PDGFD: variants seen among roughly 807,000 people sequenced by gnomAD.
PDGFD encodes platelet derived growth factor D.
PDGFD carries 30 observed loss-of-function variants against 44.7 expected under a neutral mutation model. That is an observed-to-expected ratio of 0.67 (90% CI 0.50 to 0.91). The LOEUF (loss-of-function observed/expected upper bound fraction) is 0.91, where lower values mean the gene tolerates loss of function less well. PDGFD is among the 40% of genes least tolerant of loss of function. PDGFD has a pLI of 0.00. For synonymous variants in PDGFD, 173 were observed against 168.4 expected (o/e 1.03, Z -0.21); for missense variants, 445 against 457.8 (o/e 0.97, Z 0.25).
At chr11:104,084,163 G>C (rs1464859462) in intron 1 of PDGFD, among the ~76,000 whole-genome samples, 1 of 152,198 alleles carries the variant, frequency 6.6e-6, no homozygotes, top group African/African-American at 2.4e-5. Context: ...TGAATGGACA[G>C]AGAAGATGCC....
chr11:104,099,273 A>C (rs1861333456), intron 1 of PDGFD, among the ~76,000 whole-genome samples: 1 of 152,192 alleles, frequency 6.6e-6, no homozygotes, highest in Non-Finnish European at 1.5e-5. Context: ...AAAAGTTTCA[A>C]AGTTTAGATA....
At chr11:103,933,731 C>G (rs1040729669) in intron 5 of PDGFD, among the ~76,000 whole-genome samples, 2 of 152,182 alleles carry the variant, frequency 1.3e-5, no homozygotes, top group African/African-American at 2.4e-5. Context: ...AAACCCTCAT[C>G]TTAGATATTA....
intron 1 of PDGFD, among the ~76,000 whole-genome samples, chr11:104,050,655 TG>T (rs1253319503): frequency 6.6e-6 from 1 of 152,126 alleles, no homozygotes; most frequent in South Asian, 2.1e-4. Context: ...CAGAAATGTG[TG>T]GGGCACTTTG....
intron 6 of PDGFD, among the ~76,000 whole-genome samples, chr11:103,913,563 T>C (rs1005133496): frequency 2.0e-5 from 3 of 152,126 alleles, no homozygotes; most frequent in African/African-American, 7.2e-5. Flanking sequence ...ATATCTAAAA[T>C]AGACACCTTA....
intron 3 of PDGFD, among the ~76,000 whole-genome samples, chr11:103,971,357 G>C (rs1424904146): frequency 6.6e-6 from 1 of 152,144 alleles, no homozygotes; most frequent in African/African-American, 2.4e-5. Context: ...AAGCTGATGA[G>C]TGAACAGAAA....
At chr11:104,036,350 A>C (rs1405612556) in intron 1 of PDGFD, among the ~76,000 whole-genome samples, 1 of 152,016 alleles carries the variant, frequency 6.6e-6, no homozygotes, top group Non-Finnish European at 1.5e-5. Flanking sequence ...AGGCTGAGAG[A>C]GGAGGACTGC....
intron 1 of PDGFD, among the ~76,000 whole-genome samples, chr11:104,112,489 A>T (rs902741292): frequency 3.3e-5 from 5 of 152,108 alleles, no homozygotes; most frequent in African/African-American, 1.2e-4. Context: ...TCAAGACAGA[A>T]ATACCATTTG....
chr11:104,119,527 TG>T (rs1277029654), intron 1 of PDGFD, among the ~76,000 whole-genome samples: 2 of 21,170 alleles, frequency 9.4e-5, no homozygotes, highest in Admixed American at 1.1e-3. Context: ...TATAATATAT[TG>T]ATATAATATA....
At chr11:104,019,423 GA>G (rs751059385) in intron 1 of PDGFD, among the ~76,000 whole-genome samples, 8 of 151,948 alleles carry the variant, frequency 5.3e-5, no homozygotes, top group African/African-American at 1.9e-4. Flanking sequence ...GATAATAAAA[GA>G]AAAAAACTAT....
intron 1 of PDGFD, among the ~76,000 whole-genome samples, chr11:104,017,532 T>C (rs1859878062): frequency 6.6e-6 from 1 of 152,176 alleles, no homozygotes; most frequent in South Asian, 2.1e-4. Context: ...TTCTGCCCGA[T>C]CCAACATCCA....
intron 5 of PDGFD, 76 bp from the exon 6 acceptor site, chr11:103,927,202 G>C: frequency 7.6e-7 from 1 of 1,309,894 alleles, no homozygotes; most frequent in South Asian, 1.3e-5. Context: ...TTGGGGAATA[G>C]AGTGGGAAGA....
At chr11:104,011,031 T>C (rs1859778001) in intron 1 of PDGFD, among the ~76,000 whole-genome samples, 1 of 152,102 alleles carries the variant, frequency 6.6e-6, no homozygotes, top group Non-Finnish European at 1.5e-5. Flanking sequence ...AGATTTAGCA[T>C]TTTTTCTAGA....
intron 1 of PDGFD, among the ~76,000 whole-genome samples, chr11:104,055,351 T>C (rs1328450168): frequency 6.6e-6 from 1 of 152,204 alleles, no homozygotes; most frequent in Non-Finnish European, 1.5e-5. Flanking sequence ...GCTGGCTTAA[T>C]AAATATTTGT....
chr11:104,049,436 G>A (rs1339009983), intron 1 of PDGFD, among the ~76,000 whole-genome samples: 2 of 152,170 alleles, frequency 1.3e-5, no homozygotes, highest in Non-Finnish European at 2.9e-5. Flanking sequence ...GCTAGATTAC[G>A]TAAGGCTTTG....
chr11:104,043,633 G>T (rs908478320), intron 1 of PDGFD, among the ~76,000 whole-genome samples: 6 of 152,136 alleles, frequency 3.9e-5, no homozygotes, highest in African/African-American at 1.4e-4. Flanking sequence ...TTGGCTCATG[G>T]TTCTGCTTAC....
chr11:104,056,354 C>T (rs979735340), intron 1 of PDGFD, among the ~76,000 whole-genome samples: 9 of 152,070 alleles, frequency 5.9e-5, no homozygotes, highest in South Asian at 2.1e-4. Context: ...GTCTTAACCC[C>T]GATAACTGTG....
intron 1 of PDGFD, among the ~76,000 whole-genome samples, chr11:104,129,340 T>C (rs1369663857): frequency 2.6e-5 from 4 of 151,946 alleles, no homozygotes. Flanking sequence ...CACTGACACA[T>C]AACAGCCGCA....
At chr11:104,097,613 T>A (rs1254533298) in intron 1 of PDGFD, among the ~76,000 whole-genome samples, 2 of 152,162 alleles carry the variant, frequency 1.3e-5, no homozygotes, top group Non-Finnish European at 2.9e-5. Flanking sequence ...ATTGACACTT[T>A]AAGAGATAAT....
chr11:103,982,817 T>C (rs1434730881), intron 3 of PDGFD, among the ~76,000 whole-genome samples: 2 of 151,544 alleles, frequency 1.3e-5, no homozygotes, highest in Admixed American at 6.6e-5. Flanking sequence ...CCATTCACAA[T>C]TGCCACAAAA....
Sources: gnomAD v4.1 joint callset for allele counts (sites outside exome capture counted in the v4.1 genomes callset) on GRCh38, gnomAD v4.1.1 for gene constraint, MANE v1.5 for transcripts, NCBI Gene and HGNC (gene_info 2026-07-23, HGNC 2026-07-21) for gene names.